The following SLC4A4 variants were observed in gnomAD, a reference collection of about 807,000 sequenced individuals.
The protein encoded by SLC4A4 is electrogenic sodium bicarbonate cotransporter 1.
A neutral mutation model predicts 111.5 loss-of-function variants in SLC4A4; 27 were observed. The ratio of observed to expected loss-of-function variants is 0.24; its 90% CI spans 0.18 to 0.33. The LOEUF is 0.33. SLC4A4 is among the 10% of genes least tolerant of loss of function. The pLI is 1.00. For synonymous variants in SLC4A4, 443 were observed against 463.4 expected (o/e 0.96, Z 0.57); for missense variants, 909 against 1,315.5 (o/e 0.69, Z 4.78).
At chr4:71,256,840 G>A (rs1560819993) in intron 3 of SLC4A4, among the ~76,000 whole-genome samples, 1 of 152,142 alleles carries the variant, frequency 6.6e-6, no homozygotes, top group Non-Finnish European at 1.5e-5. Context: ...AGTGTCAAGT[G>A]TTCTGTCCAT....
intron 6 of SLC4A4, among the ~76,000 whole-genome samples, chr4:71,385,193 T>TATTTTTTA (rs35437022): frequency 4.3e-3 from 18 of 4,172 alleles, no homozygotes; most frequent in Non-Finnish European, 0.034. Flanking sequence ...ATATATATAT[T>TATTTTTTA]TTTTTTTTTT....
intron 1 of SLC4A4, among the ~76,000 whole-genome samples, chr4:71,205,483 A>T (rs1202417829): frequency 6.6e-6 from 1 of 152,178 alleles, no homozygotes; most frequent in African/African-American, 2.4e-5. Context: ...CTTCTTCATC[A>T]TGAAGTTTGA....
intron 7 of SLC4A4, among the ~76,000 whole-genome samples, chr4:71,403,010 G>A (rs1033643720): frequency 1.3e-5 from 2 of 152,150 alleles, no homozygotes. Context: ...TTTAAAGAAG[G>A]TATGTATTTT....
At chr4:71,106,152 G>A (rs1742911512) in intron 2 of SLC4A4, among the ~76,000 whole-genome samples, 1 of 151,840 alleles carries the variant, frequency 6.6e-6, no homozygotes, top group African/African-American at 2.4e-5. Flanking sequence ...CATTTATGCA[G>A]TCAAAAAACA....
intron 7 of SLC4A4, among the ~76,000 whole-genome samples, chr4:71,399,812 C>T (rs1720193250): frequency 6.6e-6 from 1 of 151,990 alleles, no homozygotes; most frequent in South Asian, 2.1e-4. Flanking sequence ...ACTTACCTCC[C>T]ACTTTACATT....
At chr4:71,097,246 C>T (rs991568176) in intron 2 of SLC4A4, among the ~76,000 whole-genome samples, 8 of 152,160 alleles carry the variant, frequency 5.3e-5, no homozygotes, top group Admixed American at 2.6e-4. Context: ...CCTCATTTAG[C>T]TCCCAGTTAC....
intron 7 of SLC4A4, among the ~76,000 whole-genome samples, chr4:71,423,997 T>C (rs1212182883): frequency 6.6e-6 from 1 of 151,862 alleles, no homozygotes; most frequent in Non-Finnish European, 1.5e-5. Flanking sequence ...AAATGGGATC[T>C]AGTTAAACTA....
intron 6 of SLC4A4, among the ~76,000 whole-genome samples, chr4:71,374,390 T>C (rs138649546): frequency 2.6e-5 from 4 of 152,336 alleles, no homozygotes; most frequent in Admixed American, 2.0e-4. Context: ...TTTCAAAAGA[T>C]TGTAAGAAAT....
intron 6 of SLC4A4, among the ~76,000 whole-genome samples, chr4:71,395,664 A>G (rs1198627718): frequency 6.6e-6 from 1 of 152,226 alleles, no homozygotes; most frequent in African/African-American, 2.4e-5. Flanking sequence ...AGCAGTTAGG[A>G]CAGTGCTTGG....
At chr4:71,144,166 G>A (rs7696509) in intron 2 of SLC4A4, among the ~76,000 whole-genome samples, 19,456 of 152,116 alleles carry the variant, frequency 0.13, 1,396 homozygotes, top group East Asian at 0.28. Context: ...TCTACATATG[G>A]TTAGCCAGTT....
chr4:71,332,514 C>T (rs556814606), intron 3 of SLC4A4, among the ~76,000 whole-genome samples: 29 of 151,066 alleles, frequency 1.9e-4, no homozygotes, highest in Non-Finnish European at 4.0e-4. Context: ...GCGCGATCTC[C>T]GCTCACTGCA....
chr4:71,146,932 G>A lies in SLC4A4; in HGVS notation c.-2+54140G>A, dbSNP rs1024651441. Among the ~76,000 whole-genome samples the A allele has an allele frequency of 1.1e-4, 16 of 152,196 alleles. No individual in the cohort carries two copies. The East Asian group carries it at 2.5e-3, about 24-fold the overall frequency. On this transcript the variant is annotated intron_variant, in intron 2 of 26. Transcript: ENST00000649996. ...ATGGGCTAAATGCTCCAATTAAAAG[G>A]CACAGACTGGCAAATTGGATAAAGA...
At chr4:71,454,400 A>G (rs1033743618) in intron 12 of SLC4A4, among the ~76,000 whole-genome samples, 4 of 152,178 alleles carry the variant, frequency 2.6e-5, no homozygotes, top group African/African-American at 7.2e-5. Flanking sequence ...CAGAAAAGCT[A>G]TTGTGCTAGG....
At chr4:71,410,332 G>A (rs952811010) in intron 7 of SLC4A4, among the ~76,000 whole-genome samples, 1 of 152,158 alleles carries the variant, frequency 6.6e-6, no homozygotes, top group East Asian at 1.9e-4. Context: ...ACTCTGCAAA[G>A]CCACAGGGGT....
At chr4:71,553,418 A>T (rs987588384) in intron 20 of SLC4A4, among the ~76,000 whole-genome samples, 6 of 152,002 alleles carry the variant, frequency 3.9e-5, no homozygotes, top group African/African-American at 1.4e-4. Flanking sequence ...AGCCTAGCTG[A>T]GGGATGAGGA....
chr4:71,167,417 G>A (rs550589390), intron 2 of SLC4A4, among the ~76,000 whole-genome samples: 39 of 152,302 alleles, frequency 2.6e-4, no homozygotes, highest in African/African-American at 5.1e-4. Context: ...GCGGTCCCAA[G>A]TACATCCAGT....
chr4:71,217,364 T>A (rs1441032688), intron 1 of SLC4A4, among the ~76,000 whole-genome samples: 2 of 152,096 alleles, frequency 1.3e-5, no homozygotes, highest in Non-Finnish European at 2.9e-5. Context: ...CAGGAGTTTG[T>A]GACCAGCGTG....
chr4:71,093,574 T>C (rs10012631), intron 2 of SLC4A4, among the ~76,000 whole-genome samples: 13,959 of 152,280 alleles, frequency 0.092, 795 homozygotes, highest in African/African-American at 0.16. Context: ...CTGACTTGTT[T>C]TGAATTGATA....
chr4:71,331,766 G>A (rs1728018240), intron 3 of SLC4A4, among the ~76,000 whole-genome samples: 1 of 151,820 alleles, frequency 6.6e-6, no homozygotes, highest in African/African-American at 2.4e-5. Context: ...GATAGGATTG[G>A]CATTAGTTCT....
Sources: allele counts gnomAD v4.1 joint callset (sites outside exome capture counted in the v4.1 genomes callset), GRCh38; gene constraint gnomAD v4.1.1; transcripts MANE v1.5; gene names NCBI Gene and HGNC (gene_info 2026-07-23, HGNC 2026-07-21).